The following NPIPB2 variants were observed in gnomAD, a reference collection of about 807,000 sequenced individuals.
NPIPB2 encodes the protein nuclear pore complex interacting protein family member B2, also known as nuclear pore complex-interacting protein family member B2.
In NPIPB2, 27 loss-of-function variants were observed where a neutral mutation model predicts 30.8. The ratio of observed to expected loss-of-function variants is 0.88; its 90% CI spans 0.65 to 1.21. The LOEUF (loss-of-function observed/expected upper bound fraction) is 1.21, where lower values mean the gene tolerates loss of function less well. NPIPB2 is among the 50% of genes most tolerant of loss of function. The pLI, the probability that NPIPB2 is intolerant of heterozygous loss-of-function variation, is 0.00. For missense variants in NPIPB2, 440 were observed against 446.2 expected, an observed-to-expected ratio of 0.99 and a Z score of 0.13; for synonymous variants, 147 against 162.0, an observed-to-expected ratio of 0.91 and a Z score of 0.70.
chr16:11,938,688 T>G (rs538992317), intron 1 of NPIPB2, among the ~76,000 whole-genome samples: 56 of 152,132 alleles, frequency 3.7e-4, no homozygotes, highest in Admixed American at 3.3e-3. Context: ...CATTCAAAAC[T>G]GTCCTGGGCC....
chr16:11,945,771 G>C (rs1255729189), upstream of NPIPB2, among the ~76,000 whole-genome samples: 1 of 152,106 alleles, frequency 6.6e-6, no homozygotes, highest in Non-Finnish European at 1.5e-5. Flanking sequence ...GGGAAGGACA[G>C]CTGTGCCCTC....
At chr16:11,971,764 G>C (rs927055672) in intron 1 of NPIPB2, among the ~76,000 whole-genome samples, 2 of 151,994 alleles carry the variant, frequency 1.3e-5, no homozygotes, top group African/African-American at 4.8e-5. Context: ...CAAAGTGCTG[G>C]GATTACAGGT....
chr16:11,971,345 T>A (rs558420479), intron 1 of NPIPB2, among the ~76,000 whole-genome samples: 2 of 146,186 alleles, frequency 1.4e-5, no homozygotes, highest in African/African-American at 5.0e-5. Flanking sequence ...CTTTGTTTTA[T>A]ACATTTTAGG....
intron 1 of NPIPB2, among the ~76,000 whole-genome samples, chr16:11,961,403 C>T (rs1391362348): frequency 6.6e-6 from 1 of 151,792 alleles, no homozygotes. Flanking sequence ...AGGCTCAAGT[C>T]CTGCATTTAA....
intron 5 of NPIPB2, among the ~76,000 whole-genome samples, chr16:11,929,970 T>G (rs1478040909): frequency 1.4e-5 from 2 of 138,682 alleles, no homozygotes; most frequent in African/African-American, 2.7e-5. Context: ...ACTTCTGAGA[T>G]GATAGTTTCC....
At chr16:11,954,307 C>T (rs908360886) in intron 1 of NPIPB2, among the ~76,000 whole-genome samples, 14 of 151,534 alleles carry the variant, frequency 9.2e-5, no homozygotes, top group African/African-American at 2.9e-4. Context: ...GGCAATGTAG[C>T]GAGACCCCAT....
chr16:11,953,878 G>A (rs895195231), intron 1 of NPIPB2, among the ~76,000 whole-genome samples: 1 of 151,472 alleles, frequency 6.6e-6, no homozygotes, highest in South Asian at 2.1e-4. Flanking sequence ...ATTTCACCAC[G>A]TTGGCCAGGC....
chr16:11,949,236 C>T (rs935712098), intron 1 of NPIPB2, among the ~76,000 whole-genome samples: 7 of 152,132 alleles, frequency 4.6e-5, no homozygotes, highest in East Asian at 1.9e-4. Context: ...GCAATACTTG[C>T]GAAGCCTTTT....
At chr16:11,971,370 C>G (rs753349429) in intron 1 of NPIPB2, among the ~76,000 whole-genome samples, 5 of 133,586 alleles carry the variant, frequency 3.7e-5, no homozygotes, top group Non-Finnish European at 7.6e-5. Context: ...CAAAAAGCAT[C>G]AGTCAATACA....
At chr16:11,954,751 C>T (rs1245698933) in intron 1 of NPIPB2, among the ~76,000 whole-genome samples, 1 of 151,382 alleles carries the variant, frequency 6.6e-6, no homozygotes, top group African/African-American at 2.4e-5. Flanking sequence ...ACTAAAAATA[C>T]AAAAAAATTA....
intron 4 of NPIPB2, 43 bp from the exon 5 acceptor site, chr16:11,930,594 G>A: frequency 2.0e-6 from 3 of 1,475,062 alleles, no homozygotes; most frequent in Middle Eastern, 2.4e-4. Flanking sequence ...TGATCCACCA[G>A]CCCGTGTGGG....
chr16:11,971,148 C>T (rs1200299613), intron 1 of NPIPB2, among the ~76,000 whole-genome samples: 1 of 152,146 alleles, frequency 6.6e-6, no homozygotes, highest in South Asian at 2.1e-4. Flanking sequence ...TAAGCCACCA[C>T]GCCTGGCCTA....
At chr16:11,953,275 A>G (rs1454196995) in intron 1 of NPIPB2, among the ~76,000 whole-genome samples, 2 of 151,886 alleles carry the variant, frequency 1.3e-5, no homozygotes, top group Non-Finnish European at 2.9e-5. Context: ...CCTCACAAGT[A>G]GCTGGGATTA....
At chr16:11,947,325 TA>T (rs1567471974) in intron 1 of NPIPB2, among the ~76,000 whole-genome samples, 20 of 134,890 alleles carry the variant, frequency 1.5e-4, no homozygotes, top group Admixed American at 3.8e-4. Flanking sequence ...TATTTATTTA[TA>T]TATATATATA....
chr16:11,943,058 A>C (rs1460980371), upstream of NPIPB2, among the ~76,000 whole-genome samples: 1 of 152,262 alleles, frequency 6.6e-6, no homozygotes, highest in African/African-American at 2.4e-5. Flanking sequence ...GTGATGGCTC[A>C]CGCCTGTAAT....
At chr16:11,937,121 T>C (rs1267720681) in intron 2 of NPIPB2, among the ~76,000 whole-genome samples, 1 of 152,166 alleles carries the variant, frequency 6.6e-6, no homozygotes, top group Non-Finnish European at 1.5e-5. Flanking sequence ...CTGTTCTATG[T>C]TTTTCTTTTC....
chr16:11,953,893 C>T (rs970976041), intron 1 of NPIPB2, among the ~76,000 whole-genome samples: 9 of 151,654 alleles, frequency 5.9e-5, no homozygotes, highest in African/African-American at 1.9e-4. Flanking sequence ...CCAGGCTAGT[C>T]TCCAACTCCT....
chr16:11,964,706 C>A (rs759019174), intron 1 of NPIPB2, among the ~76,000 whole-genome samples: 3 of 152,174 alleles, frequency 2.0e-5, no homozygotes, highest in African/African-American at 4.8e-5. Flanking sequence ...AGCGCCACGG[C>A]GCCCAGCTTA....
At chr16:11,959,841 C>T (rs1455999164) in intron 1 of NPIPB2, among the ~76,000 whole-genome samples, 2 of 152,046 alleles carry the variant, frequency 1.3e-5, no homozygotes, top group East Asian at 3.9e-4. Flanking sequence ...TAGCACACAA[C>T]CATGGTTCAC....
Sources: allele counts gnomAD v4.1 joint callset (sites outside exome capture counted in the v4.1 genomes callset), GRCh38; gene constraint gnomAD v4.1.1; transcripts MANE v1.5; gene names NCBI Gene and HGNC (gene_info 2026-07-23, HGNC 2026-07-21).